The following RNLS variants were observed in gnomAD, a reference collection of about 807,000 sequenced individuals.
RNLS encodes the protein renalase.
Under a neutral mutation model 39.8 loss-of-function variants are expected in RNLS, and 39 were observed. The observed-to-expected ratio is 0.98, with a 90% CI of 0.76 to 1.28. The LOEUF (loss-of-function observed/expected upper bound fraction) is 1.28. Ranked by LOEUF, RNLS falls within the 50% of genes most tolerant of loss-of-function variation. RNLS has a pLI of 0.00. For missense variants in RNLS, 410 were observed against 413.3 expected (o/e 0.99, Z 0.07); for synonymous variants, 147 against 150.7 (o/e 0.98, Z 0.18).
intron 4 of RNLS, among the ~76,000 whole-genome samples, chr10:88,425,974 G>A (rs577014621): frequency 2.5e-4 from 38 of 152,120 alleles, no homozygotes; most frequent in African/African-American, 8.7e-4. Flanking sequence ...ATGCACAAGT[G>A]TCCCTGAAAA....
chr10:88,577,423 C>T (rs1296506994), intron 3 of RNLS, among the ~76,000 whole-genome samples: 3 of 152,264 alleles, frequency 2.0e-5, no homozygotes, highest in Admixed American at 2.0e-4. Context: ...AGTTCTGTTA[C>T]CAACTAGCCA....
At chr10:88,255,096 C>G in the RNLS span, among the ~76,000 whole-genome samples, 6 of 152,290 alleles carry the variant, frequency 3.9e-5, no homozygotes, top group Non-Finnish European at 8.8e-5. Flanking sequence ...TGGGCCTACC[C>G]TTTCTCCAAC....
the RNLS span, among the ~76,000 whole-genome samples, chr10:88,192,318 T>C: frequency 6.6e-6 from 1 of 152,202 alleles, no homozygotes; most frequent in Admixed American, 6.5e-5. Context: ...ATGTAAATTA[T>C]TTAGCACAGC....
intron 5 of RNLS, among the ~76,000 whole-genome samples, chr10:88,346,411 G>A (rs1334104589): frequency 1.3e-5 from 2 of 152,078 alleles, no homozygotes; most frequent in Non-Finnish European, 2.9e-5. Context: ...CAGTGTTCTA[G>A]GCATGGTACA....
chr10:88,362,522 G>A, intron 5 of RNLS, 30 bp downstream of exon 5: 1 of 1,597,672 alleles, frequency 6.3e-7, no homozygotes, highest in Non-Finnish European at 8.6e-7. Flanking sequence ...CATTGTTGCT[G>A]TATTTAAGGG....
intron 4 of RNLS, among the ~76,000 whole-genome samples, chr10:88,379,747 A>G (rs2133498126): frequency 6.6e-6 from 1 of 152,366 alleles, no homozygotes; most frequent in South Asian, 2.1e-4. Context: ...GAGCTAAGTC[A>G]TAAAAGATGA....
At chr10:88,400,139 T>C (rs1852821044) in intron 4 of RNLS, among the ~76,000 whole-genome samples, 1 of 152,026 alleles carries the variant, frequency 6.6e-6, no homozygotes, top group Non-Finnish European at 1.5e-5. Context: ...GATCTTTAAC[T>C]TAATCACATC....
rs147992051 is a variant in RNLS, at chr10:88,415,029, C to T, written c.527-52304G>A. On this transcript the variant is annotated intron_variant, in intron 4 of 6. Transcript: ENST00000331772. ...AAATACTGCTTATATTGAAAGAAAG[C>T]GCACAGATACTGTATGTGTGAGCTC... Among the ~76,000 whole-genome samples, 36 of 152,208 alleles carry T rather than the reference C, an allele frequency of 2.4e-4. No individual in the cohort carries two copies. In the East Asian group the frequency reaches 5.4e-3, roughly 23 times the overall value.
chr10:88,487,842 GAATA>G (rs1333832113), intron 4 of RNLS, among the ~76,000 whole-genome samples: 6 of 151,986 alleles, frequency 3.9e-5, no homozygotes, highest in Admixed American at 3.3e-4. Context: ...ACGAACAGAT[GAATA>G]AATAAACACA....
chr10:88,237,656 C>G, the RNLS span, among the ~76,000 whole-genome samples: 3 of 152,090 alleles, frequency 2.0e-5, no homozygotes, highest in Non-Finnish European at 2.9e-5. Flanking sequence ...AAGAAAGTAG[C>G]AGAGAATGAT....
At chr10:88,554,777 A>G (rs2134354309) in intron 4 of RNLS, among the ~76,000 whole-genome samples, 1 of 152,266 alleles carries the variant, frequency 6.6e-6, no homozygotes, top group South Asian at 2.1e-4. Flanking sequence ...GTAACTGTTC[A>G]ATCTTGCTCC....
At chr10:88,279,060 G>C (rs1016960867) in intron 6 of RNLS, among the ~76,000 whole-genome samples, 1 of 152,200 alleles carries the variant, frequency 6.6e-6, no homozygotes, top group African/African-American at 2.4e-5. Flanking sequence ...TATCACAAGA[G>C]TGGGGAGGCT....
intron 4 of RNLS, among the ~76,000 whole-genome samples, chr10:88,527,058 C>T (rs777479231): frequency 1.2e-4 from 18 of 152,156 alleles, no homozygotes; most frequent in Non-Finnish European, 2.2e-4. Context: ...ACTTCTCAAC[C>T]TCATCAAGGC....
At chr10:88,274,697 G>T in exon 7 of RNLS, 3 of 356,080 alleles carry the variant, frequency 8.4e-6, no homozygotes, top group Non-Finnish European at 1.1e-5. Flanking sequence ...ACTTCTTTTG[G>T]ATAGATATCC....
intron 4 of RNLS, among the ~76,000 whole-genome samples, chr10:88,491,045 G>T (rs2134064486): frequency 6.6e-6 from 1 of 152,156 alleles, no homozygotes; most frequent in African/African-American, 2.4e-5. Flanking sequence ...CAGATTGAGG[G>T]GCTTAGAAAA....
chr10:88,409,449 A>G (rs1853519228), intron 4 of RNLS, among the ~76,000 whole-genome samples: 1 of 152,146 alleles, frequency 6.6e-6, no homozygotes, highest in South Asian at 2.1e-4. Flanking sequence ...TCAGTTTCAA[A>G]TGATTTAAAT....
the RNLS span, chr10:88,259,389 TG>T: frequency 6.6e-6 from 1 of 152,212 alleles, no homozygotes; most frequent in Non-Finnish European, 1.5e-5. Context: ...ATCATCACCA[TG>T]CCAGGTAACT....
At chr10:88,197,374 C>T in the RNLS span, among the ~76,000 whole-genome samples, 1 of 152,068 alleles carries the variant, frequency 6.6e-6, no homozygotes, top group African/African-American at 2.4e-5. Flanking sequence ...AATATGGCAC[C>T]TTCCTGGGGC....
chr10:88,489,272 T>C (rs1844750328), intron 4 of RNLS, among the ~76,000 whole-genome samples: 1 of 152,202 alleles, frequency 6.6e-6, no homozygotes, highest in South Asian at 2.1e-4. Context: ...ACTGTTCTCA[T>C]AAAGTAAATA....
Sources: allele counts gnomAD v4.1 joint callset (sites outside exome capture counted in the v4.1 genomes callset), GRCh38; gene constraint gnomAD v4.1.1; transcripts MANE v1.5; gene names NCBI Gene and HGNC (gene_info 2026-07-23, HGNC 2026-07-21).